KCTD16: variants seen among roughly 807,000 people sequenced by gnomAD.
KCTD16 encodes BTB/POZ domain-containing protein KCTD16.
A neutral mutation model predicts 33.2 loss-of-function variants in KCTD16; 13 were observed. The ratio of observed to expected loss-of-function variants is 0.39; its 90% CI spans 0.25 to 0.62. The LOEUF (loss-of-function observed/expected upper bound fraction) is 0.62, where lower values mean the gene tolerates loss of function less well. Ranked by LOEUF, KCTD16 falls within the 20% of genes least tolerant of loss-of-function variation. KCTD16 has a pLI of 0.50. For missense variants in KCTD16, 441 were observed against 525.1 expected (o/e 0.84, Z 1.57); for synonymous variants, 197 against 195.3 (o/e 1.01, Z -0.07).
intron 3 of KCTD16, among the ~76,000 whole-genome samples, chr5:144,224,901 A>C (rs1224054283): frequency 6.6e-6 from 1 of 152,086 alleles, no homozygotes; most frequent in Admixed American, 6.6e-5. Flanking sequence ...CCAAGATCAT[A>C]CTCTTAGGGA....
intron 2 of KCTD16, among the ~76,000 whole-genome samples, chr5:144,195,372 A>G (rs1752921549): frequency 6.6e-6 from 1 of 152,120 alleles, no homozygotes; most frequent in Non-Finnish European, 1.5e-5. Flanking sequence ...GGTTTCTTAG[A>G]CCACCTCCTT....
At chr5:144,175,180 A>G (rs775303818) in intron 2 of KCTD16, among the ~76,000 whole-genome samples, 16 of 152,064 alleles carry the variant, frequency 1.1e-4, no homozygotes, top group Non-Finnish European at 2.4e-4. Context: ...TAACTCAATT[A>G]CTCCTCCTCC....
intron 3 of KCTD16, among the ~76,000 whole-genome samples, chr5:144,446,743 A>G (rs1279557766): frequency 6.6e-6 from 1 of 152,196 alleles, no homozygotes; most frequent in African/African-American, 2.4e-5. Context: ...AAAAATGGGC[A>G]AAGAATATGA....
chr5:144,191,710 G>A (rs983519345), intron 2 of KCTD16, among the ~76,000 whole-genome samples: 2 of 151,888 alleles, frequency 1.3e-5, no homozygotes, highest in African/African-American at 4.8e-5. Context: ...TCTCTCTCTA[G>A]ACTTGTCTGC....
intron 3 of KCTD16, among the ~76,000 whole-genome samples, chr5:144,387,548 A>G (rs984726647): frequency 1.3e-5 from 2 of 152,164 alleles, no homozygotes; most frequent in African/African-American, 4.8e-5. Context: ...TAAAGCATAA[A>G]GAAAGAATCA....
intron 3 of KCTD16, among the ~76,000 whole-genome samples, chr5:144,377,262 G>A (rs1752115018): frequency 6.6e-6 from 1 of 152,042 alleles, no homozygotes; most frequent in African/African-American, 2.4e-5. Context: ...ATTAATAGAG[G>A]TCCTGGATAC....
intron 3 of KCTD16, among the ~76,000 whole-genome samples, chr5:144,402,123 A>G (rs993733307): frequency 6.6e-6 from 1 of 152,180 alleles, no homozygotes; most frequent in African/African-American, 2.4e-5. Flanking sequence ...TTAGAAGAAC[A>G]GGTCAACTTA....
intron 2 of KCTD16, among the ~76,000 whole-genome samples, chr5:144,182,083 C>G (rs1752637018): frequency 7.7e-6 from 1 of 129,696 alleles, no homozygotes; most frequent in Non-Finnish European, 1.6e-5. Context: ...GAAACTCCAT[C>G]TCAAAAAAAA....
rs991904188 is a variant in KCTD16, at chr5:144,481,691, A to G, written c.*7577A>G. 1 of 151,892 alleles carries G rather than the reference A, an allele frequency of 6.6e-6. No individual in the cohort carries two copies. The highest frequency in any genetic ancestry group is 1.5e-5 in the Non-Finnish European group (1 of 67,918). 9.4% of individuals were successfully genotyped at this position (151,892 alleles called of 1,614,324 possible). ...TGTTTGTTTATGCATATATCCAGCA[A>G]ATATTTGTTGGGTACATACTATATA... On this transcript the variant is annotated 3_prime_UTR_variant, in exon 4 of 4. Coordinates refer to ENST00000512467, the MANE Select transcript of KCTD16 (RefSeq NM_020768.4).
chr5:144,329,870 G>T (rs146255809), intron 3 of KCTD16, among the ~76,000 whole-genome samples: 1 of 152,130 alleles, frequency 6.6e-6, no homozygotes, highest in African/African-American at 2.4e-5. Flanking sequence ...AGACATGAAG[G>T]TATTTGAAGT....
chr5:144,435,704 G>T (rs78075719), intron 3 of KCTD16, among the ~76,000 whole-genome samples: 1 of 151,998 alleles, frequency 6.6e-6, no homozygotes. Flanking sequence ...TATTTACACC[G>T]CCTTGTAATA....
chr5:144,270,265 T>G (rs1755256808), intron 3 of KCTD16, among the ~76,000 whole-genome samples: 1 of 151,894 alleles, frequency 6.6e-6, no homozygotes, highest in Admixed American at 6.6e-5. Flanking sequence ...CGTGGGACAT[T>G]TTTCTGTGAT....
intron 3 of KCTD16, among the ~76,000 whole-genome samples, chr5:144,299,112 A>G (rs1205981000): frequency 6.4e-4 from 9 of 14,006 alleles, no homozygotes; most frequent in Middle Eastern, 0.023. Flanking sequence ...ATATATATAT[A>G]TATATATATA....
intron 3 of KCTD16, among the ~76,000 whole-genome samples, chr5:144,325,217 T>C (rs1369769411): frequency 1.3e-5 from 2 of 152,162 alleles, no homozygotes; most frequent in Non-Finnish European, 2.9e-5. Flanking sequence ...GACACACATA[T>C]ACACAAATCT....
At chr5:144,208,289 G>A (rs146717397) in intron 3 of KCTD16, among the ~76,000 whole-genome samples, 2,719 of 152,328 alleles carry the variant, frequency 0.018, 37 homozygotes, top group Non-Finnish European at 0.028. Context: ...ATAAAAGGAA[G>A]CCAGAGAGGG....
chr5:144,241,640 A>T (rs1196832971), intron 3 of KCTD16, among the ~76,000 whole-genome samples: 1 of 152,182 alleles, frequency 6.6e-6, no homozygotes, highest in African/African-American at 2.4e-5. Context: ...ACCTGATCTG[A>T]AATGAATTGT....
chr5:144,224,171 G>T (rs1753852712), intron 3 of KCTD16, among the ~76,000 whole-genome samples: 1 of 151,908 alleles, frequency 6.6e-6, no homozygotes, highest in South Asian at 2.1e-4. Flanking sequence ...CTATCTTTTG[G>T]ATCTTTTTGA....
intron 3 of KCTD16, among the ~76,000 whole-genome samples, chr5:144,273,582 C>G (rs1755360313): frequency 2.0e-5 from 3 of 152,092 alleles, no homozygotes; most frequent in Admixed American, 2.0e-4. Flanking sequence ...TGTCCTTTGA[C>G]AGATGAATAG....
intron 3 of KCTD16, among the ~76,000 whole-genome samples, chr5:144,416,966 A>G (rs1382280401): frequency 6.6e-6 from 1 of 152,142 alleles, no homozygotes; most frequent in African/African-American, 2.4e-5. Flanking sequence ...TTCCTTTTTA[A>G]TGGCTGAATA....
Sources: allele counts gnomAD v4.1 joint callset (sites outside exome capture counted in the v4.1 genomes callset), GRCh38; gene constraint gnomAD v4.1.1; transcripts MANE v1.5; gene names NCBI Gene and HGNC (gene_info 2026-07-23, HGNC 2026-07-21).